CSMD1: variants seen among roughly 807,000 people sequenced by gnomAD.
CSMD1 encodes CUB and sushi domain-containing protein 1.
Under a neutral mutation model 417.5 loss-of-function variants are expected in CSMD1, and 213 were observed. The ratio of observed to expected loss-of-function variants is 0.51; its 90% CI spans 0.46 to 0.57. The LOEUF is 0.57. CSMD1 is among the 20% of genes least tolerant of loss of function. The probability of loss-of-function intolerance (pLI) is 0.00; values close to 1 mark genes in which losing one functional copy is unlikely to be tolerated. For synonymous variants in CSMD1, 2,862 were observed against 1,736.8 expected (o/e 1.65, Z -16.11); for missense variants, 6,923 against 4,529.7 (o/e 1.53, Z -15.17).
chr8:3,890,100 A>G (rs1193599817), intron 5 of CSMD1, among the ~76,000 whole-genome samples: 3 of 152,174 alleles, frequency 2.0e-5, no homozygotes, highest in Non-Finnish European at 2.9e-5. Flanking sequence ...GACAAATGAG[A>G]TAATCTGATA....
At chr8:4,449,257 T>G (rs1451593539) in intron 2 of CSMD1, among the ~76,000 whole-genome samples, 23 of 152,202 alleles carry the variant, frequency 1.5e-4, no homozygotes, top group Non-Finnish European at 5.9e-5. Flanking sequence ...ACACTCAGGT[T>G]GTAACTATTG....
At chr8:3,139,709 G>T (rs950167740) in intron 41 of CSMD1, among the ~76,000 whole-genome samples, 4 of 152,222 alleles carry the variant, frequency 2.6e-5, no homozygotes, top group African/African-American at 9.6e-5. Flanking sequence ...ACGTGTGTAT[G>T]TGTGTGTGTC....
At chr8:4,551,972 C>G (rs1268492421) in intron 2 of CSMD1, among the ~76,000 whole-genome samples, 2 of 152,006 alleles carry the variant, frequency 1.3e-5, no homozygotes, top group East Asian at 1.9e-4. Flanking sequence ...CAGGCATGAG[C>G]CACTGCTCCT....
In CSMD1 at chr8:4,955,066, CAAAA is replaced by C. The variant is rs1808999201; in HGVS notation, c.85+39262_85+39265del. Among the ~76,000 whole-genome samples the C allele has an allele frequency of 2.0e-5, 3 of 152,100 alleles. No individual in the cohort carries two copies. The South Asian group carries it at 6.2e-4, about 32-fold the overall frequency. On this transcript the variant is annotated intron_variant, in intron 1 of 69. Transcript: ENST00000635120. Reference sequence around the variant, plus strand: ...TCCATTGCTGTATGTCAGTGGCTCTCAAAATAGGCTCTGGAACAATCGCTTCAGC... The same window carrying C: ...TCCATTGCTGTATGTCAGTGGCTCTCTAGGCTCTGGAACAATCGCTTCAGC...
intron 2 of CSMD1, among the ~76,000 whole-genome samples, chr8:4,444,180 A>G (rs912921668): frequency 1.3e-5 from 2 of 151,768 alleles, no homozygotes; most frequent in South Asian, 2.1e-4. Context: ...TGTGCCTACT[A>G]AAAATATAAA....
intron 26 of CSMD1, among the ~76,000 whole-genome samples, chr8:3,281,904 C>A (rs879284151): frequency 6.6e-6 from 1 of 152,128 alleles, no homozygotes; most frequent in Non-Finnish European, 1.5e-5. Flanking sequence ...GTGCTGTCTT[C>A]ATGATAGAGT....
intron 31 of CSMD1, among the ~76,000 whole-genome samples, 152 bp downstream of exon 31, chr8:3,205,352 A>T (rs981011025): frequency 6.6e-6 from 1 of 152,180 alleles, no homozygotes; most frequent in African/African-American, 2.4e-5. Context: ...ATTGTGCAGG[A>T]TATGTTTGGA....
At chr8:4,736,292 G>C (rs1422847392) in intron 1 of CSMD1, among the ~76,000 whole-genome samples, 1 of 152,168 alleles carries the variant, frequency 6.6e-6, no homozygotes, top group South Asian at 2.1e-4. Flanking sequence ...ACACTCTGTT[G>C]TGTATCCAGG....
At chr8:3,818,249 G>A (rs148937060) in intron 5 of CSMD1, among the ~76,000 whole-genome samples, 3 of 152,206 alleles carry the variant, frequency 2.0e-5, no homozygotes, top group African/African-American at 7.2e-5. Context: ...CTGGGTCCGT[G>A]CAGCACAGGT....
chr8:4,846,893 C>G (rs1449609118), intron 1 of CSMD1, among the ~76,000 whole-genome samples: 1 of 151,974 alleles, frequency 6.6e-6, no homozygotes, highest in Non-Finnish European at 1.5e-5. Flanking sequence ...AATAGTGAAA[C>G]TTACTGGAAA....
At chr8:4,535,742 G>C (rs1028261085) in intron 2 of CSMD1, among the ~76,000 whole-genome samples, 3 of 152,150 alleles carry the variant, frequency 2.0e-5, no homozygotes, top group Admixed American at 6.5e-5. Context: ...GATCGCAGTA[G>C]TACTCATTGT....
intron 3 of CSMD1, among the ~76,000 whole-genome samples, chr8:4,261,153 C>T (rs918170328): frequency 6.6e-6 from 1 of 152,150 alleles, no homozygotes; most frequent in Non-Finnish European, 1.5e-5. Flanking sequence ...CTTCTACTGG[C>T]TTGAAAGTTG....
At chr8:3,999,911 C>G (rs1374169465) in intron 4 of CSMD1, among the ~76,000 whole-genome samples, 2 of 152,144 alleles carry the variant, frequency 1.3e-5, no homozygotes, top group Non-Finnish European at 2.9e-5. Context: ...TCAGGAAACT[C>G]ATTTTTTAGA....
At chr8:3,826,313 C>G (rs921641177) in intron 5 of CSMD1, among the ~76,000 whole-genome samples, 1 of 151,462 alleles carries the variant, frequency 6.6e-6, no homozygotes, top group Non-Finnish European at 1.5e-5. Context: ...ATTGTCTTAA[C>G]TGGGGGCTTG....
chr8:3,479,003 C>T (rs926140673), intron 11 of CSMD1, among the ~76,000 whole-genome samples: 1 of 152,038 alleles, frequency 6.6e-6, no homozygotes, highest in African/African-American at 2.4e-5. Context: ...TCACCAACAT[C>T]TCCCCAAGCC....
intron 25 of CSMD1, among the ~76,000 whole-genome samples, chr8:3,299,473 T>A (rs1335161965): frequency 6.6e-6 from 1 of 152,014 alleles, no homozygotes; most frequent in Non-Finnish European, 1.5e-5. Context: ...GAATGCAATG[T>A]GGTATCATCG....
chr8:4,624,547 A>G (rs1801985561), intron 2 of CSMD1, among the ~76,000 whole-genome samples: 1 of 152,100 alleles, frequency 6.6e-6, no homozygotes, highest in Non-Finnish European at 1.5e-5. Context: ...TTTAAACCGG[A>G]GGGGATTTCA....
intron 1 of CSMD1, among the ~76,000 whole-genome samples, chr8:4,978,731 A>G (rs1397503355): frequency 6.6e-6 from 1 of 152,152 alleles, no homozygotes; most frequent in African/African-American, 2.4e-5. Flanking sequence ...TGAGGTCAGT[A>G]GTTCGAGACC....
chr8:4,988,400 T>A (rs1363660974), intron 1 of CSMD1, among the ~76,000 whole-genome samples: 1 of 152,224 alleles, frequency 6.6e-6, no homozygotes, highest in Admixed American at 6.5e-5. Flanking sequence ...ACCAGTAAAT[T>A]GCAAAATGTA....
Sources: gnomAD v4.1 joint callset for allele counts (sites outside exome capture counted in the v4.1 genomes callset) on GRCh38, gnomAD v4.1.1 for gene constraint, MANE v1.5 for transcripts, NCBI Gene and HGNC (gene_info 2026-07-23, HGNC 2026-07-21) for gene names.